The following TAB2 variants were observed in gnomAD, a reference collection of about 807,000 sequenced individuals.
The protein encoded by TAB2 is TGF-beta activated kinase 1 (MAP3K7) binding protein 2.
A neutral mutation model predicts 65.0 loss-of-function variants in TAB2; 3 were observed. The ratio of observed to expected loss-of-function variants is 0.05; its 90% CI spans 0.02 to 0.12. The LOEUF is 0.12. TAB2 is among the 10% of genes least tolerant of loss of function. The pLI is 1.00. For synonymous variants in TAB2, 298 were observed against 285.1 expected (o/e 1.05, Z -0.46); for missense variants, 623 against 840.3 (o/e 0.74, Z 3.20).
At chr6:149,294,080 G>T (rs979808133) in intron 1 of TAB2, among the ~76,000 whole-genome samples, 1 of 152,206 alleles carries the variant, frequency 6.6e-6, no homozygotes, top group Non-Finnish European at 1.5e-5. Flanking sequence ...TTGCTAGAGA[G>T]TAATGGCCTT....
rs936663292 is a variant in TAB2, at chr6:149,263,454, G to C, written c.-121+44678G>C. ...CTGCACAAAACATTATGTTGATGCT[G>C]TTTGAAAGCCAAGATTTACCAGTCA... On this transcript the variant is annotated intron_variant, in intron 1 of 1. Transcript: ENST00000606202. 5.9e-5 allele frequency among the ~76,000 whole-genome samples: 9 copies of C among 152,258 alleles called. No homozygotes were observed. The East Asian group carries it at 1.5e-3, about 26-fold the overall frequency.
chr6:149,367,638 G>A (rs1333594546), intron 1 of TAB2, among the ~76,000 whole-genome samples: 2 of 152,174 alleles, frequency 1.3e-5, no homozygotes, highest in African/African-American at 4.8e-5. Flanking sequence ...AAGAAGGAAG[G>A]TGGGGAGACC....
chr6:149,265,272 C>T (rs1056613724), intron 1 of TAB2, among the ~76,000 whole-genome samples: 50 of 150,976 alleles, frequency 3.3e-4, no homozygotes, highest in African/African-American at 1.2e-3. Context: ...CCCTACAAAG[C>T]AAATCCAGCT....
At position 149,340,744 on chromosome 6, in the gene TAB2, C is replaced by A. The variant is rs1054284129; in HGVS notation, c.-90+22729C>A. 3.9e-5 allele frequency among the ~76,000 whole-genome samples: 6 copies of A among 152,236 alleles called. No individual in the cohort carries two copies. In the East Asian group the frequency reaches 1.2e-3, roughly 29 times the overall value. On this transcript the variant is annotated intron_variant, in intron 1 of 6. Coordinates refer to ENST00000637181, the MANE Select transcript of TAB2 (RefSeq NM_001292034.3). ...CTTCTTTCTGAGGAATGCAGTAATT[C>A]AGTCTTATCATCTAAGTTTTAGTAT...
chr6:149,330,279 G>A (rs79578670), intron 1 of TAB2, among the ~76,000 whole-genome samples: 2,550 of 152,248 alleles, frequency 0.017, 31 homozygotes, highest in Non-Finnish European at 0.024. Context: ...AGGATTTTAT[G>A]TGAAAATACG....
rs762058394 is a variant in TAB2 at position 149,378,124 on chromosome 6, G to A, written c.209G>A (p.Gly70Asp). Residue 70 changes from glycine to aspartate, a missense_variant, in exon 3 of 7, where the codon GGT (glycine) becomes GAT (aspartate). Around this residue, in one of 3 missense-constraint regions of TAB2, gnomAD observed 550 missense variants for 665.7 expected, o/e 0.83. Coordinates refer to ENST00000637181, the MANE Select transcript of TAB2 (RefSeq NM_001292034.3). ...TTTTCAGATGATTCTGGAATTTCTGGTCTACGCAATCACATGACTTCTCTC... is the reference window on the plus strand; with the variant it reads ...TTTTCAGATGATTCTGGAATTTCTGATCTACGCAATCACATGACTTCTCTC... The part of the protein sequence containing the change: ...LNFSDDSGIS[G>D]LRNHMTSLNL... 1 of 1,614,162 alleles carries A rather than the reference G, an allele frequency of 6.2e-7. No homozygotes were observed. Among genetic ancestry groups the A allele is most frequent in the Non-Finnish European group, 8.5e-7 (1 of 1,180,024 alleles).
At chr6:149,310,988 C>T (rs1021277646) in intron 1 of TAB2, among the ~76,000 whole-genome samples, 8 of 152,138 alleles carry the variant, frequency 5.3e-5, no homozygotes, top group African/African-American at 1.2e-4. Flanking sequence ...ATACCTTTGC[C>T]GAGTGATGAC....
At chr6:149,376,790 T>C (rs774031663) in intron 2 of TAB2, among the ~76,000 whole-genome samples, 3 of 152,202 alleles carry the variant, frequency 2.0e-5, no homozygotes, top group Non-Finnish European at 4.4e-5. Context: ...CACAGTGCTA[T>C]GCATATAGTA....
intron 1 of TAB2, among the ~76,000 whole-genome samples, chr6:149,333,406 A>G (rs1456400696): frequency 6.6e-6 from 1 of 152,154 alleles, no homozygotes; most frequent in Non-Finnish European, 1.5e-5. Flanking sequence ...TGGAGTACAC[A>G]TTGCAAATAG....
At chr6:149,285,726 T>C (rs1767403419) in intron 1 of TAB2, among the ~76,000 whole-genome samples, 1 of 152,148 alleles carries the variant, frequency 6.6e-6, no homozygotes, top group Non-Finnish European at 1.5e-5. Context: ...CAGGTGAAAG[T>C]GGCTGGGGTA....
At chr6:149,288,137 T>C (rs1318517082) in intron 1 of TAB2, among the ~76,000 whole-genome samples, 1 of 152,140 alleles carries the variant, frequency 6.6e-6, no homozygotes, top group African/African-American at 2.4e-5. Context: ...TTCTAAATGC[T>C]CAAGACACTT....
At chr6:149,350,121 AG>A (rs1221487960) in intron 1 of TAB2, among the ~76,000 whole-genome samples, 1 of 152,008 alleles carries the variant, frequency 6.6e-6, no homozygotes, top group Non-Finnish European at 1.5e-5. Flanking sequence ...TAGTAGAGAC[AG>A]GGTTTCACCA....
chr6:149,396,587 G>A (rs921685653), intron 3 of TAB2, among the ~76,000 whole-genome samples: 20 of 152,150 alleles, frequency 1.3e-4, no homozygotes, highest in African/African-American at 4.8e-4. Flanking sequence ...GTAGATTCAA[G>A]TATCTTCACT....
rs569648434 is a variant in TAB2 at position 149,366,790 on chromosome 6, G to T, written c.-89-3119G>T. 2.6e-5 allele frequency among the ~76,000 whole-genome samples: 4 copies of T among 152,244 alleles called. No homozygotes were observed. In the East Asian group the frequency reaches 5.8e-4, roughly 22 times the overall value. Reference sequence around the variant, plus strand: ...GTACAATTGAAGAATGTTATCATTTGTGTAGGTGATAGTCTTTATTAGAAA... The same window carrying T: ...GTACAATTGAAGAATGTTATCATTTTTGTAGGTGATAGTCTTTATTAGAAA... On this transcript the variant is annotated intron_variant, in intron 1 of 6. Transcript: ENST00000637181.
At chr6:149,320,602 T>C (rs923970562) in intron 1 of TAB2, among the ~76,000 whole-genome samples, 2 of 152,242 alleles carry the variant, frequency 1.3e-5, no homozygotes, top group African/African-American at 4.8e-5. Flanking sequence ...ATAAGTATAA[T>C]GTAGGCTGTT....
chr6:149,371,200 C>A (rs527389515), intron 2 of TAB2, among the ~76,000 whole-genome samples: 22 of 150,792 alleles, frequency 1.5e-4, no homozygotes, highest in Non-Finnish European at 3.1e-4. Context: ...ACATTTTGTT[C>A]ACACCCTTAT....
At chr6:149,269,659 T>C (rs1389224042) in intron 1 of TAB2, among the ~76,000 whole-genome samples, 1 of 152,254 alleles carries the variant, frequency 6.6e-6, no homozygotes, top group African/African-American at 2.4e-5. Flanking sequence ...GTTTTACCTT[T>C]GCAAGATTAT....
chr6:149,384,889 C>T (rs559523230), intron 3 of TAB2, among the ~76,000 whole-genome samples: 3 of 152,106 alleles, frequency 2.0e-5, no homozygotes, highest in South Asian at 4.2e-4. Context: ...ACATTGCTGC[C>T]AAATACAATT....
intron 1 of TAB2, among the ~76,000 whole-genome samples, chr6:149,349,401 C>T (rs1429820571): frequency 1.5e-5 from 2 of 131,448 alleles, no homozygotes; most frequent in Non-Finnish European, 1.6e-5. Flanking sequence ...GCCTGGGCAA[C>T]AGAGTGACAC....
Sources: gnomAD v4.1 joint callset for allele counts (sites outside exome capture counted in the v4.1 genomes callset) on GRCh38, gnomAD v4.1.1 for gene constraint, gnomAD v4.1.1 regional missense constraint, MANE v1.5 for transcripts, NCBI Gene and HGNC (gene_info 2026-07-23, HGNC 2026-07-21) for gene names.